NEB: variants seen among roughly 807,000 people sequenced by gnomAD.
The protein encoded by NEB is nemaline myopathy type 2.
A neutral mutation model predicts 952.2 loss-of-function variants in NEB; 512 were observed. That is an observed-to-expected ratio of 0.54 (90% CI 0.50 to 0.58). The LOEUF is 0.58. NEB is among the 20% of genes least tolerant of loss of function. The pLI is 0.00. For synonymous variants in NEB, 2,900 were observed against 3,149.8 expected (o/e 0.92, Z 2.66); for missense variants, 8,428 against 9,231.1 (o/e 0.91, Z 3.56).
In NEB at chr2:151,497,523, T is replaced by TTTAAG. The variant is rs1414126393; in HGVS notation, c.24300+98_24300+102dup. Reference sequence around the variant, plus strand: ...AAATTTGCTAAAGAAATTCACAAAATTTAAGTTGTCTTTAAAAAGTAGGAT... The same window carrying TTTAAG: ...AAATTTGCTAAAGAAATTCACAAAATTTAAGTTAAGTTGTCTTTAAAAAGTAGGAT... On this transcript the variant is annotated intron_variant, in intron 171 of 181. Transcript: ENST00000397345. The TTTAAG allele has an allele frequency of 2.0e-6, 3 of 1,501,796 alleles. No homozygotes were observed. In the African/African-American group the frequency reaches 4.3e-5, roughly 21 times the overall value. 93.0% of individuals were successfully genotyped at this position (1,501,796 alleles called of 1,614,324 possible).
intron 142 of NEB, among the ~76,000 whole-genome samples, 162 bp from the exon 143 acceptor site, chr2:151,533,708 C>T (rs1042194353): frequency 3.3e-5 from 5 of 152,140 alleles, no homozygotes; most frequent in African/African-American, 1.2e-4. Context: ...TAATGTGAAG[C>T]AGAATGACTG....
rs369229042 is a variant in NEB at position 151,513,711 on chromosome 2, G to GA, written c.23128-19dup. On this transcript the variant is annotated intron_variant, in intron 159 of 181. Transcript: ENST00000397345. ...TATTCTTTCTATAGTAGCATTAAAA[G>GA]AAAAAAAAAAGGTACCTAAATGCTA... 10,110 of 1,319,760 alleles carry GA rather than the reference G, an allele frequency of 7.7e-3. 5 individuals carry two copies. Among genetic ancestry groups the GA allele is most frequent in the African/African-American group, 0.021 (1,354 of 65,518 alleles). The allele number at this position is 1,319,760 out of a possible 1,614,324, so 81.8% of individuals were successfully genotyped here.
intron 144 of NEB, 98 bp downstream of exon 144, chr2:151,531,694 G>A (rs1002226375): frequency 1.1e-6 from 1 of 874,294 alleles, no homozygotes; most frequent in African/African-American, 1.7e-5. Context: ...CCACTAAATG[G>A]CAGTAGTCTC....
chr2:151,485,634 A>G lies in NEB; in HGVS notation c.*126T>C. The G allele has an allele frequency of 4.4e-6, 4 of 903,768 alleles. No homozygotes were observed. Among genetic ancestry groups the G allele is most frequent in the East Asian group, 2.5e-5 (1 of 40,432 alleles). 56.0% of individuals were successfully genotyped at this position (903,768 alleles called of 1,614,324 possible). On this transcript the variant is annotated 3_prime_UTR_variant, in exon 182 of 182. Coordinates refer to ENST00000397345, the MANE Select transcript of NEB (RefSeq NM_001164508.2). ...CCAAAGGAGAAAGGATGGTACTACC[A>G]TAAATCACATTGACACAGAAAAACC...
chr2:151,565,673 A>G (rs1440013779), intron 115 of NEB, 43 bp downstream of exon 115: 1 of 1,576,296 alleles, frequency 6.3e-7, no homozygotes, highest in Admixed American at 1.7e-5. Context: ...CATGGCAGGT[A>G]GGAGGACAGG....
At chr2:151,696,562 CATT>C (rs1433891813) in intron 17 of NEB, 72 bp downstream of exon 17, 10 of 1,117,118 alleles carry the variant, frequency 9.0e-6, no homozygotes. Flanking sequence ...CTTGATAAGT[CATT>C]GGATTTTATG....
intron 67 of NEB, 123 bp from the exon 68 acceptor site, chr2:151,629,769 G>T: frequency 2.7e-6 from 2 of 729,656 alleles, no homozygotes; most frequent in Non-Finnish European, 4.6e-6. Context: ...CAAGTTTCTG[G>T]CAATAGTGGA....
intron 24 of NEB, chr2:151,689,235 G>A (rs2099527211): frequency 8.0e-6 from 1 of 125,676 alleles, no homozygotes; most frequent in African/African-American, 3.2e-5. Context: ...GACCGTGTCT[G>A]GCTCCATCAC....
chr2:151,720,745 C>A (rs1405529660), intron 9 of NEB, among the ~76,000 whole-genome samples: 1 of 152,172 alleles, frequency 6.6e-6, no homozygotes, highest in Non-Finnish European at 1.5e-5. Flanking sequence ...TGTTTGTTCC[C>A]TCATCCTTTT....
At chr2:151,660,839 G>T (rs1356274959) in intron 46 of NEB, among the ~76,000 whole-genome samples, 2 of 152,194 alleles carry the variant, frequency 1.3e-5, no homozygotes, top group Non-Finnish European at 2.9e-5. Context: ...TTTCTGTAAT[G>T]ATGGAAATGT....
At chr2:151,664,642 G>A (rs1407393509) in intron 43 of NEB, 34 bp from the exon 44 acceptor site, 1 of 1,557,762 alleles carries the variant, frequency 6.4e-7, no homozygotes, top group Non-Finnish European at 8.7e-7. Context: ...ACAGCATCTT[G>A]TTATTGGGGT....
rs531658423 is a variant in NEB, at chr2:151,661,378, G to A, written c.5970+757C>T. On this transcript the variant is annotated intron_variant, in intron 46 of 181. Coordinates refer to ENST00000397345, the MANE Select transcript of NEB (RefSeq NM_001164508.2). ...CTGAAGACTCCAGGGGGTTTGCTCC[G>A]TGGCTTAGCATAATACAGTTCTATC... Among the ~76,000 whole-genome samples the A allele has an allele frequency of 1.1e-3, 165 of 152,286 alleles. 2 individuals carry two copies. Among genetic ancestry groups the A allele is most frequent in the African/African-American group, 3.3e-3 (139 of 41,576 alleles).
intron 45 of NEB, 25 bp from the exon 46 acceptor site, chr2:151,662,366 A>G (rs1173723404): frequency 2.6e-6 from 4 of 1,521,360 alleles, no homozygotes; most frequent in Non-Finnish European, 3.5e-6. Flanking sequence ...AAATTAAATT[A>G]TGAGAAGAAA....
intron 170 of NEB, 163 bp downstream of exon 170, chr2:151,498,097 T>C: frequency 2.7e-6 from 4 of 1,470,834 alleles, no homozygotes; most frequent in African/African-American, 2.8e-5. Flanking sequence ...AGTAAAAAAT[T>C]GACATTAACT....
intron 39 of NEB, 103 bp downstream of exon 39, chr2:151,668,924 T>A: frequency 1.2e-6 from 1 of 829,746 alleles, no homozygotes; most frequent in Non-Finnish European, 1.9e-6. Context: ...AGGCTCAGGG[T>A]CCACACTGAA....
Position 151,717,421 on chromosome 2 carries a change from T to C in NEB, c.817A>G (p.Ser273Gly). 1 of 1,607,226 alleles carries C rather than the reference T, an allele frequency of 6.2e-7. No individual in the cohort carries two copies. Among genetic ancestry groups the C allele is most frequent in the Non-Finnish European group, 8.5e-7 (1 of 1,173,614 alleles). The change falls in exon 10 of 182, where the codon AGC becomes GGC. Residue 273 changes from serine to glycine, a missense_variant. By Grantham distance (56) the Ser-to-Gly change is moderately conservative. This residue lies in a region of NEB where 2,851 missense variants were observed against 2,791.5 expected (regional missense o/e 1.02). Transcript: ENST00000397345. ...TCCCAGCTCTATTTACTTACCTTGCTCACTTGATTGGTTACTTTCTTGGCA... is the reference window on the plus strand; with the variant it reads ...TCCCAGCTCTATTTACTTACCTTGCCCACTTGATTGGTTACTTTCTTGGCA... ...EFAKKVTNQV[S>G]KQKYKEDYEN...
Position 151,727,779 on chromosome 2 carries a change from C to T in NEB, c.206G>A (p.Arg69Lys), listed in dbSNP as rs1299743556. ...ATCCACTTTCTTCCGGATGACCTTCCTCCTCTCCACCGGCTTTGCTGATGC... is the reference window on the plus strand; with the variant it reads ...ATCCACTTTCTTCCGGATGACCTTCTTCCTCTCCACCGGCTTTGCTGATGC... ...QPASAKPVER[R>K]KVIRKKVDPS... The change falls in exon 5 of 182, where the codon AGG (arginine) becomes AAG (lysine). Residue 69 changes from arginine to lysine, a missense_variant. Transcript: ENST00000397345. 6.2e-7 allele frequency: 1 copy of T among 1,613,678 alleles called. No homozygotes were observed. The highest frequency in any genetic ancestry group is 1.3e-5 in the African/African-American group (1 of 75,014).
At chr2:151,631,978 T>TGA (rs2098676674) in intron 65 of NEB, among the ~76,000 whole-genome samples, 1 of 152,152 alleles carries the variant, frequency 6.6e-6, no homozygotes, top group Admixed American at 6.5e-5. Flanking sequence ...GTAGAACCCC[T>TGA]GAAGCCCTGA....
chr2:151,674,526 T>C lies in NEB; in HGVS notation c.3938A>G (p.Asp1313Gly), dbSNP rs2154198103. The C allele has an allele frequency of 6.2e-7, 1 of 1,614,040 alleles. No individual in the cohort carries two copies. Among genetic ancestry groups the C allele is most frequent in the South Asian group, 1.1e-5 (1 of 91,084 alleles). Residue 1313 changes from aspartate (D) to glycine (G), a missense_variant, in exon 36 of 182, where the codon GAT (aspartate) becomes GGT (glycine). Asp to Gly is a moderately conservative substitution (Grantham distance 94). Coordinates refer to ENST00000397345, the MANE Select transcript of NEB (RefSeq NM_001164508.2). ...LIAKGNNVLG[D>G]AIPITAAKAS... ...CTTGGCTGCAGTGATGGGAATAGCA[T>C]CGCCCAGCACATTGTTGCCCTTGGC... is the stretch of plus-strand genomic sequence containing the variant.
Sources: allele counts gnomAD v4.1 joint callset (sites outside exome capture counted in the v4.1 genomes callset), GRCh38; gene constraint gnomAD v4.1.1; regional missense constraint gnomAD v4.1.1; transcripts MANE v1.5; gene names NCBI Gene and HGNC (gene_info 2026-07-23, HGNC 2026-07-21).